The following RYR1 variants were observed in gnomAD, a reference collection of about 807,000 sequenced individuals.
The protein encoded by RYR1 is central core disease of muscle.
Under a neutral mutation model 583.5 loss-of-function variants are expected in RYR1, and 342 were observed. The observed-to-expected ratio is 0.59, with a 90% CI of 0.54 to 0.64. RYR1 has a LOEUF of 0.64. Among genes scored for constraint, RYR1 ranks in the 30% least tolerant of loss-of-function variants. The probability of loss-of-function intolerance (pLI) is 0.00; values close to 1 mark genes in which losing one functional copy is unlikely to be tolerated. For synonymous variants in RYR1, 2,791 were observed against 2,822.5 expected (o/e 0.99, Z 0.35); for missense variants, 6,032 against 6,917.2 (o/e 0.87, Z 4.54).
At chr19:38,443,483 G>T in intron 3 of RYR1, 75 bp from the exon 4 acceptor site, 1 of 1,370,392 alleles carries the variant, frequency 7.3e-7, no homozygotes, top group South Asian at 1.2e-5. Flanking sequence ...TGTCACCTGT[G>T]ACTAGGCCAG....
rs770581392 is a variant in RYR1 at position 38,455,755 on chromosome 19, G to A, written c.1791+4G>A. ...CAAGCATGGGAGGAACCACAAGGTC[G>A]GCCCCTCACCCCTGACCTCTCATCC... On this transcript the variant is annotated splice_donor_region_variant and intron_variant, in intron 16 of 105. Coordinates refer to ENST00000359596, the MANE Select transcript of RYR1 (RefSeq NM_000540.3). 11 of 1,569,652 alleles carry A rather than the reference G, an allele frequency of 7.0e-6. No individual in the cohort carries two copies. Among genetic ancestry groups the A allele is most frequent in the Non-Finnish European group, 8.8e-6 (10 of 1,140,878 alleles).
At chr19:38,498,350 AGGCAGAAG>A (rs1280504256) in intron 42 of RYR1, among the ~76,000 whole-genome samples, 3 of 152,000 alleles carry the variant, frequency 2.0e-5, no homozygotes, top group Admixed American at 6.6e-5. Context: ...ATTGAGGGGA[AGGCAGAAG>A]GACAGAAGGA....
chr19:38,562,088 C>T (rs1973171491), intron 90 of RYR1, among the ~76,000 whole-genome samples: 1 of 151,742 alleles, frequency 6.6e-6, no homozygotes, highest in Non-Finnish European at 1.5e-5. Context: ...TGCCAATGAG[C>T]CCTCTCAGAA....
chr19:38,587,372 C>T lies in RYR1; in HGVS notation c.15069C>T (p.Phe5023=), dbSNP rs1326106815. Residue 5023 remains phenylalanine (F), a synonymous_variant, in exon 106 of 106, where the codon TTC becomes TTT. Transcript: ENST00000359596. The part of the protein sequence containing the change: ...KMYQERCWDF[F]PAGDCFRKQY... The stretch of plus-strand genomic sequence containing the variant: ...ACCAAGAGAGATGTTGGGATTTCTT[C>T]CCAGCTGGTGATTGTTTCCGTAAGC... 6.2e-7 allele frequency: 1 copy of T among 1,613,860 alleles called. No homozygotes were observed. Among genetic ancestry groups the T allele is most frequent in the Non-Finnish European group, 8.5e-7 (1 of 1,179,996 alleles).
intron 83 of RYR1, among the ~76,000 whole-genome samples, chr19:38,537,636 C>A (rs138997668): frequency 6.6e-6 from 1 of 152,200 alleles, no homozygotes; most frequent in Non-Finnish European, 1.5e-5. Context: ...ACACTTGAGG[C>A]CCCAGCTTCA....
At chr19:38,557,100 C>T (rs1972912925) in intron 89 of RYR1, among the ~76,000 whole-genome samples, 1 of 127,368 alleles carries the variant, frequency 7.9e-6, no homozygotes, top group Admixed American at 9.9e-5. Context: ...GTCACCCAGG[C>T]TGGAGTGCAG....
At chr19:38,516,964 C>G (rs534799332) in intron 65 of RYR1, among the ~76,000 whole-genome samples, 2 of 152,032 alleles carry the variant, frequency 1.3e-5, no homozygotes, top group African/African-American at 4.8e-5. Flanking sequence ...GACAGGTTGT[C>G]GGTTTCAAGG....
chr19:38,436,299 C>T (rs1972424258), intron 1 of RYR1, among the ~76,000 whole-genome samples: 2 of 151,732 alleles, frequency 1.3e-5, no homozygotes, highest in African/African-American at 4.9e-5. Flanking sequence ...CCTCCACTTC[C>T]CAGGCTCCAG....
intron 101 of RYR1, among the ~76,000 whole-genome samples, chr19:38,582,892 A>G (rs1974278271): frequency 6.6e-6 from 1 of 152,114 alleles, no homozygotes. Context: ...CTGACATCTG[A>G]GGCTCTTCCA....
In RYR1 at chr19:38,444,913, G is replaced by GC. The variant is rs1972866754; in HGVS notation, c.631+241dup. ...CCCAAACTTAGACCCCAAAGTATTA[G>GC]CCCCCAAGGCTCCTAAACTCAGATT... On this transcript the variant is annotated intron_variant, in intron 7 of 105. Transcript: ENST00000359596. This position sits in a 1 kb window ranked among gnomAD's most constrained non-coding sequence, Gnocchi z 5.1. 6.7e-6 allele frequency among the ~76,000 whole-genome samples: 1 copy of GC among 148,906 alleles called. No individual in the cohort carries two copies. The highest frequency in any genetic ancestry group is 2.5e-5 in the African/African-American group (1 of 40,132).
chr19:38,548,701 C>T (rs1328830943), intron 89 of RYR1, among the ~76,000 whole-genome samples: 1 of 152,198 alleles, frequency 6.6e-6, no homozygotes, highest in Non-Finnish European at 1.5e-5. Flanking sequence ...CCTCAGCCTC[C>T]TGAGTAGTTG....
intron 34 of RYR1, 49 bp from the exon 35 acceptor site, chr19:38,489,128 G>T: frequency 6.5e-7 from 1 of 1,542,488 alleles, no homozygotes; most frequent in Non-Finnish European, 9.0e-7. Context: ...AGGGCCTGAT[G>T]ATGGAGGCCT....
chr19:38,573,366 G>A lies in RYR1; in HGVS notation c.14129+59G>A. On this transcript the variant is annotated intron_variant, in intron 96 of 105. Transcript: ENST00000359596. ...AGGAGGGGACCTGGGTTTCCACCCA[G>A]TCCAGGCCTGGACCCCAAAAAACTA... is the stretch of plus-strand genomic sequence containing the variant. 2.5e-6 allele frequency: 4 copies of A among 1,591,480 alleles called. No homozygotes were observed. In the South Asian group the frequency reaches 4.5e-5, roughly 18 times the overall value.
chr19:38,490,195 C>T lies in RYR1; in HGVS notation c.5934C>T (p.Gly1978=), dbSNP rs904728007. 3.7e-6 allele frequency: 6 copies of T among 1,614,218 alleles called. No homozygotes were observed. The Admixed American group carries it at 1.0e-4, about 27-fold the overall frequency. ...KLQANQRSRY[G]LLIKAFSMTA... is the part of the protein sequence containing the mutation. ...AGGCCAACCAGCGGAGCCGCTATGGCCTCCTCATAAAAGCCTTCAGCATGA... is the reference window on the plus strand; with the variant it reads ...AGGCCAACCAGCGGAGCCGCTATGGTCTCCTCATAAAAGCCTTCAGCATGA... The change falls in exon 36 of 106, where the codon GGC becomes GGT. Residue 1978 remains glycine, a synonymous_variant. Transcript: ENST00000359596.
chr19:38,574,152 C>T (rs1440572781), intron 96 of RYR1, among the ~76,000 whole-genome samples: 1 of 151,594 alleles, frequency 6.6e-6, no homozygotes, highest in African/African-American at 2.4e-5. Context: ...CCTAGCTACT[C>T]CGGAGGCTGA....
At chr19:38,509,444 ATTATTATTTTT>A in intron 58 of RYR1, among the ~76,000 whole-genome samples, 1 of 126,856 alleles carries the variant, frequency 7.9e-6, no homozygotes, top group Admixed American at 8.2e-5. Flanking sequence ...TATTATTATT[ATTATTATTTTT>A]TTTTTTTTTT....
At chr19:38,550,199 C>T (rs1036207882) in intron 89 of RYR1, among the ~76,000 whole-genome samples, 18 of 152,022 alleles carry the variant, frequency 1.2e-4, no homozygotes, top group South Asian at 4.1e-4. Flanking sequence ...ATTCAGTTTC[C>T]CTTGTTGAAT....
rs1189779608 is a variant in RYR1, at chr19:38,528,316, C to T, written c.10835C>T (p.Pro3612Leu). 3 of 1,614,084 alleles carry T rather than the reference C, an allele frequency of 1.9e-6. No individual in the cohort carries two copies. Among genetic ancestry groups the T allele is most frequent in the Non-Finnish European group, 2.5e-6 (3 of 1,180,012 alleles). The change falls in exon 74 of 106, where the codon CCT (proline) becomes CTT (leucine). Residue 3612 changes from proline to leucine, a missense_variant. Pro to Leu is a moderately conservative substitution (Grantham distance 98, BLOSUM62 -3). This residue lies in a region of RYR1 where 1,493 missense variants were observed against 1,715.5 expected (regional missense o/e 0.87). Coordinates refer to ENST00000359596, the MANE Select transcript of RYR1 (RefSeq NM_000540.3). ...CTATCCCCTCCCCAGACCGAGCACC[C>T]TTACAAGTCTAAGAAGGCCGTGTGG... is the stretch of plus-strand genomic sequence containing the variant. ...VLYYLDQTEH[P>L]YKSKKAVWHK...
At chr19:38,519,670 G>T (rs1971136876) in intron 67 of RYR1, among the ~76,000 whole-genome samples, 1 of 151,056 alleles carries the variant, frequency 6.6e-6, no homozygotes, top group Admixed American at 6.6e-5. Flanking sequence ...TGGTTTTTGG[G>T]TTTTTTTTTG....
Sources: allele counts gnomAD v4.1 joint callset (sites outside exome capture counted in the v4.1 genomes callset), GRCh38; gene constraint gnomAD v4.1.1; regional missense constraint gnomAD v4.1.1; non-coding constraint Gnocchi (gnomAD v3.1); transcripts MANE v1.5; gene names NCBI Gene and HGNC (gene_info 2026-07-23, HGNC 2026-07-21).